Variants in PDE8B observed in about 807,000 individuals in gnomAD.
PDE8B encodes high affinity cAMP-specific and IBMX-insensitive 3',5'-cyclic phosphodiesterase 8B.
Under a neutral mutation model 101.3 loss-of-function variants are expected in PDE8B, and 26 were observed. The ratio of observed to expected loss-of-function variants is 0.26; its 90% CI spans 0.19 to 0.36. PDE8B has a LOEUF of 0.36. PDE8B is among the 10% of genes least tolerant of loss of function. The pLI, the probability that PDE8B is intolerant of heterozygous loss-of-function variation, is 1.00. For missense variants in PDE8B, 810 were observed against 1,163.1 expected (o/e 0.70, Z 4.42); for synonymous variants, 424 against 429.3 (o/e 0.99, Z 0.15).
chr5:77,160,446 C>G, the PDE8B span, among the ~76,000 whole-genome samples: 1 of 152,040 alleles, frequency 6.6e-6, no homozygotes, highest in Admixed American at 6.6e-5. Flanking sequence ...TGGAAAAAAT[C>G]CACGTGTAAG....
At chr5:77,124,070 G>A in the PDE8B span, among the ~76,000 whole-genome samples, 3 of 152,146 alleles carry the variant, frequency 2.0e-5, no homozygotes, top group African/African-American at 7.2e-5. Context: ...AAACTAATCT[G>A]CAAGTAAAAG....
chr5:77,146,794 C>T, the PDE8B span: 1 of 342,068 alleles, frequency 2.9e-6, no homozygotes, highest in Non-Finnish European at 5.9e-6. Context: ...CAGATGAAAA[C>T]CTATATCCCT....
intron 1 of PDE8B, among the ~76,000 whole-genome samples, chr5:77,269,985 AT>A (rs994398843): frequency 6.6e-6 from 1 of 151,722 alleles, no homozygotes; most frequent in Non-Finnish European, 1.5e-5. Context: ...AAATTTTAGG[AT>A]TTTTTTCTCT....
chr5:77,188,445 T>TCA, the PDE8B span, among the ~76,000 whole-genome samples: 1 of 152,204 alleles, frequency 6.6e-6, no homozygotes, highest in East Asian at 1.9e-4. Context: ...TGAAGTATTT[T>TCA]CACAATCTGT....
chr5:77,378,278 G>A (rs1430443370), intron 10 of PDE8B, among the ~76,000 whole-genome samples: 3 of 151,852 alleles, frequency 2.0e-5, no homozygotes, highest in African/African-American at 7.3e-5. Flanking sequence ...GGCCAACATG[G>A]TGAAACCCTG....
At chr5:77,362,913 G>A (rs996659533) in intron 10 of PDE8B, among the ~76,000 whole-genome samples, 2 of 152,136 alleles carry the variant, frequency 1.3e-5, no homozygotes, top group Non-Finnish European at 2.9e-5. Context: ...AGTGGATTTG[G>A]CACTGACCAC....
At chr5:77,166,147 C>T in the PDE8B span, among the ~76,000 whole-genome samples, 846 of 148,538 alleles carry the variant, frequency 5.7e-3, 7 homozygotes, top group African/African-American at 0.018. Context: ...ACTCTCTGCA[C>T]TTCACAATTC....
intron 1 of PDE8B, among the ~76,000 whole-genome samples, chr5:77,233,970 G>A (rs1754167589): frequency 6.6e-6 from 1 of 151,890 alleles, no homozygotes; most frequent in Admixed American, 6.6e-5. Flanking sequence ...GCTTTGTGCT[G>A]GGTACTTCTG....
intron 4 of PDE8B, 140 bp from the exon 5 acceptor site, chr5:77,331,262 T>G (rs1477574965): frequency 1.3e-6 from 1 of 775,522 alleles, no homozygotes; most frequent in Non-Finnish European, 2.4e-6. Flanking sequence ...TGAAGGCAGG[T>G]GTGCCCCGTG....
At chr5:77,382,293 A>C (rs1787646879) in intron 10 of PDE8B, among the ~76,000 whole-genome samples, 1 of 152,208 alleles carries the variant, frequency 6.6e-6, no homozygotes, top group African/African-American at 2.4e-5. Flanking sequence ...AAAGTTGCAT[A>C]TATCAGTATG....
Position 77,241,897 on chromosome 5 carries a change from GA to G in PDE8B, c.339+30639del, listed in dbSNP as rs568453540. Reference sequence around the variant, plus strand: ...TATAATGCCTCTGGAAAAGATAGCAGAAAAAATCCACTGCCTTGCCCACCAC... The same window carrying G: ...TATAATGCCTCTGGAAAAGATAGCAGAAAAATCCACTGCCTTGCCCACCAC... On this transcript the variant is annotated intron_variant, in intron 1 of 21. Transcript: ENST00000264917. Among the ~76,000 whole-genome samples, 28 of 152,298 alleles carry G rather than the reference GA, an allele frequency of 1.8e-4. No individual in the cohort carries two copies. The East Asian group carries it at 4.6e-3, about 25-fold the overall frequency.
intron 17 of PDE8B, among the ~76,000 whole-genome samples, chr5:77,417,209 T>A (rs1196038634): frequency 1.3e-5 from 2 of 152,142 alleles, no homozygotes; most frequent in African/African-American, 2.4e-5. Flanking sequence ...AGGAGTTACT[T>A]TATCAGATAG....
chr5:77,425,904 A>G lies in PDE8B; in HGVS notation c.2548+8A>G. ...TGTTTGATGCTTGGGATGGTAAGAC[A>G]GTTACTGTTTTGTCACCCAAAGAAA... On this transcript the variant is annotated splice_region_variant and intron_variant, in intron 21 of 21. Transcript: ENST00000264917. 6.2e-7 allele frequency: 1 copy of G among 1,612,944 alleles called. No individual in the cohort carries two copies. The highest frequency in any genetic ancestry group is 8.5e-7 in the Non-Finnish European group (1 of 1,178,978).
chr5:77,386,004 G>A (rs1344668833), intron 10 of PDE8B, among the ~76,000 whole-genome samples: 3 of 152,080 alleles, frequency 2.0e-5, no homozygotes, highest in African/African-American at 7.2e-5. Flanking sequence ...GGCCAGGCTT[G>A]TCTCAAACTC....
rs200775306 is a variant in PDE8B at position 77,402,600 on chromosome 5, ATG to A, written c.1211-2116_1211-2115del. Among the ~76,000 whole-genome samples, 911 of 149,370 alleles carry A rather than the reference ATG, an allele frequency of 6.1e-3. 6 individuals are homozygous for A. Among genetic ancestry groups the A allele is most frequent in the African/African-American group, 0.021 (873 of 41,354 alleles). ...TAGTAGAACAATGTAACATGATCAC[ATG>A]TGTCTAAAGACATATATGCAAATGA... On this transcript the variant is annotated intron_variant, in intron 11 of 21. Coordinates refer to ENST00000264917, the MANE Select transcript of PDE8B (RefSeq NM_003719.5).
At chr5:77,166,226 T>TAAAAAAAA in the PDE8B span, among the ~76,000 whole-genome samples, 16 of 116,112 alleles carry the variant, frequency 1.4e-4, no homozygotes, top group Non-Finnish European at 2.3e-4. Flanking sequence ...TCGGTAAAGA[T>TAAAAAAAA]AAAAAAAAAA....
chr5:77,273,085 A>G (rs1404163164), intron 1 of PDE8B, among the ~76,000 whole-genome samples: 2 of 152,188 alleles, frequency 1.3e-5, no homozygotes, highest in Non-Finnish European at 2.9e-5. Flanking sequence ...TATTCATTAT[A>G]GCTGATTATA....
intron 1 of PDE8B, among the ~76,000 whole-genome samples, chr5:77,227,736 A>G (rs963118689): frequency 6.6e-6 from 1 of 152,158 alleles, no homozygotes; most frequent in Non-Finnish European, 1.5e-5. Context: ...GGGGTCAAAT[A>G]TGCAGAAACT....
chr5:77,086,832 A>C, the PDE8B span: 1 of 152,330 alleles, frequency 6.6e-6, no homozygotes, highest in Non-Finnish European at 1.5e-5. Flanking sequence ...AGTGGTGACG[A>C]ATTTCCACAT....
Sources: allele counts gnomAD v4.1 joint callset (sites outside exome capture counted in the v4.1 genomes callset), GRCh38; gene constraint gnomAD v4.1.1; transcripts MANE v1.5; gene names NCBI Gene and HGNC (gene_info 2026-07-23, HGNC 2026-07-21).